CADM2: variants seen among roughly 807,000 people sequenced by gnomAD.
CADM2 encodes the protein immunoglobulin superfamily member 4D.
Under a neutral mutation model 49.8 loss-of-function variants are expected in CADM2, and 12 were observed. The ratio of observed to expected loss-of-function variants is 0.24; its 90% CI spans 0.15 to 0.39. CADM2 has a LOEUF of 0.39. Among genes scored for constraint, CADM2 ranks in the 10% least tolerant of loss-of-function variants. The probability of loss-of-function intolerance (pLI) is 1.00; values close to 1 mark genes in which losing one functional copy is unlikely to be tolerated. For missense variants in CADM2, 378 were observed against 492.3 expected (o/e 0.77, Z 2.20); for synonymous variants, 214 against 175.4 (o/e 1.22, Z -1.74).
intron 1 of CADM2, among the ~76,000 whole-genome samples, chr3:85,588,995 A>G (rs1205465922): frequency 6.6e-6 from 1 of 152,058 alleles, no homozygotes. Context: ...TATTCTTATT[A>G]AAATATAAGC....
chr3:85,331,422 T>C (rs954290801), intron 1 of CADM2, among the ~76,000 whole-genome samples: 84 of 151,956 alleles, frequency 5.5e-4, no homozygotes, highest in Middle Eastern at 3.4e-3. Context: ...TTACAACTAG[T>C]AATTCTAAAA....
At chr3:85,716,246 C>T (rs1202389931) in intron 1 of CADM2, among the ~76,000 whole-genome samples, 1 of 152,306 alleles carries the variant, frequency 6.6e-6, no homozygotes, top group East Asian at 1.9e-4. Context: ...TTGCATTTCT[C>T]TAATGACCAA....
intron 1 of CADM2, among the ~76,000 whole-genome samples, chr3:85,246,685 A>C (rs946762942): frequency 2.6e-4 from 40 of 152,166 alleles, no homozygotes; most frequent in Non-Finnish European, 1.3e-4. Context: ...CATAGATTTC[A>C]AAAACACAGT....
At chr3:85,867,112 A>T (rs956869005) in intron 3 of CADM2, among the ~76,000 whole-genome samples, 1 of 152,128 alleles carries the variant, frequency 6.6e-6, no homozygotes, top group Middle Eastern at 3.2e-3. Context: ...AGAAAGTTAG[A>T]GAAGTAAAGC....
chr3:85,719,433 T>C (rs1220147635), intron 1 of CADM2, among the ~76,000 whole-genome samples: 1 of 152,178 alleles, frequency 6.6e-6, no homozygotes, highest in Non-Finnish European at 1.5e-5. Flanking sequence ...TAACTACCAA[T>C]AGCCTGCTGT....
At chr3:85,323,042 T>C (rs1263674469) in intron 1 of CADM2, among the ~76,000 whole-genome samples, 1 of 152,198 alleles carries the variant, frequency 6.6e-6, no homozygotes, top group Non-Finnish European at 1.5e-5. Context: ...CATTTTAACA[T>C]TTTGGAAAAA....
At chr3:85,907,680 G>T (rs1196888984) in intron 5 of CADM2, among the ~76,000 whole-genome samples, 1 of 152,116 alleles carries the variant, frequency 6.6e-6, no homozygotes, top group Non-Finnish European at 1.5e-5. Flanking sequence ...GGAGGCCGTG[G>T]CAGGCAGATC....
chr3:85,117,684 G>C (rs922571266), intron 1 of CADM2, among the ~76,000 whole-genome samples: 1 of 151,978 alleles, frequency 6.6e-6, no homozygotes, highest in African/African-American at 2.4e-5. Context: ...TAGGGATTAG[G>C]GTGTTTTATG....
chr3:85,164,542 A>C (rs1441226448), intron 1 of CADM2, among the ~76,000 whole-genome samples: 1 of 152,058 alleles, frequency 6.6e-6, no homozygotes, highest in African/African-American at 2.4e-5. Flanking sequence ...GAGTTCTTTG[A>C]ATTTCAGTAT....
chr3:85,581,864 A>G (rs893582869), intron 1 of CADM2, among the ~76,000 whole-genome samples: 4 of 151,736 alleles, frequency 2.6e-5, no homozygotes, highest in African/African-American at 9.7e-5. Flanking sequence ...TTAAATATAT[A>G]ATGTGGTTAT....
chr3:85,321,054 A>T (rs1256008321), intron 1 of CADM2, among the ~76,000 whole-genome samples: 2 of 141,502 alleles, frequency 1.4e-5, no homozygotes, highest in African/African-American at 5.1e-5. Context: ...AAAAATAAAA[A>T]CTATATTGTT....
chr3:85,430,836 G>A (rs1000175871), intron 1 of CADM2, among the ~76,000 whole-genome samples: 1 of 152,030 alleles, frequency 6.6e-6, no homozygotes, highest in Non-Finnish European at 1.5e-5. Flanking sequence ...ATAAGCAGAA[G>A]GGATCTTGAA....
At chr3:85,099,671 T>C (rs1004209753) in intron 1 of CADM2, among the ~76,000 whole-genome samples, 5 of 152,082 alleles carry the variant, frequency 3.3e-5, no homozygotes, top group Admixed American at 1.3e-4. Context: ...GGTTTCACCA[T>C]GTTGGCCAGG....
intron 8 of CADM2, chr3:86,014,736 A>G (rs369937297): frequency 6.7e-7 from 1 of 1,501,534 alleles, no homozygotes. Flanking sequence ...TGACTTACCC[A>G]ATACTGACAC....
chr3:85,845,922 C>T (rs868261300), intron 3 of CADM2, among the ~76,000 whole-genome samples: 1 of 152,208 alleles, frequency 6.6e-6, no homozygotes, highest in African/African-American at 2.4e-5. Context: ...TTGGGCTACA[C>T]TGGTGGCCTT....
chr3:85,903,664 C>T (rs778538187), intron 5 of CADM2, among the ~76,000 whole-genome samples: 14 of 152,044 alleles, frequency 9.2e-5, no homozygotes, highest in South Asian at 2.1e-4. Flanking sequence ...CCTCAGGAAA[C>T]GCAGGCTTTG....
chr3:85,468,306 T>C (rs2038612432), intron 1 of CADM2, among the ~76,000 whole-genome samples: 1 of 152,012 alleles, frequency 6.6e-6, no homozygotes, highest in Admixed American at 6.6e-5. Flanking sequence ...GAGAAGATGC[T>C]CACATTAGGT....
intron 1 of CADM2, among the ~76,000 whole-genome samples, chr3:85,488,135 C>T (rs962074395): frequency 3.3e-5 from 5 of 152,044 alleles, no homozygotes; most frequent in African/African-American, 9.7e-5. Flanking sequence ...TCTGTATTCA[C>T]GTAATGAGGA....
intron 1 of CADM2, among the ~76,000 whole-genome samples, chr3:85,638,555 C>T (rs1435860738): frequency 6.6e-6 from 1 of 151,900 alleles, no homozygotes; most frequent in Non-Finnish European, 1.5e-5. Context: ...TGATGTTTTC[C>T]ATTTACTGCT....
Sources: allele counts gnomAD v4.1 joint callset (sites outside exome capture counted in the v4.1 genomes callset), GRCh38; gene constraint gnomAD v4.1.1; transcripts MANE v1.5; gene names NCBI Gene and HGNC (gene_info 2026-07-23, HGNC 2026-07-21).